C12orf42: variants seen among roughly 807,000 people sequenced by gnomAD.
The protein encoded by C12orf42 is chromosome 12 open reading frame 42.
C12orf42 carries 25 observed loss-of-function variants against 21.6 expected under a neutral mutation model. That is an observed-to-expected ratio of 1.16 (90% CI 0.84 to 1.62). The LOEUF (loss-of-function observed/expected upper bound fraction) is 1.62, where lower values mean the gene tolerates loss of function less well. Among genes scored for constraint, C12orf42 ranks in the 40% most tolerant of loss-of-function variants. The probability of loss-of-function intolerance (pLI) is 0.00; values close to 1 mark genes in which losing one functional copy is unlikely to be tolerated. For synonymous variants in C12orf42, 174 were observed against 175.0 expected (o/e 0.99, Z 0.05); for missense variants, 483 against 459.3 (o/e 1.05, Z -0.47).
At chr12:103,276,672 G>C (rs568993622) in intron 5 of C12orf42, among the ~76,000 whole-genome samples, 13 of 152,322 alleles carry the variant, frequency 8.5e-5, no homozygotes, top group African/African-American at 3.1e-4. Flanking sequence ...CCAAAAAATA[G>C]ATCAATCTTT....
At chr12:103,411,650 T>A (rs983906172) in intron 2 of C12orf42, among the ~76,000 whole-genome samples, 2 of 152,144 alleles carry the variant, frequency 1.3e-5, no homozygotes, top group Non-Finnish European at 2.9e-5. Context: ...TCTTCTGCCA[T>A]GGGAGGAACA....
At chr12:103,258,626 C>T (rs536516321) in intron 10 of C12orf42, among the ~76,000 whole-genome samples, 15 of 151,776 alleles carry the variant, frequency 9.9e-5, no homozygotes, top group African/African-American at 2.2e-4. Flanking sequence ...TTAGAACTAA[C>T]GAAGATCCAA....
At chr12:103,308,279 A>G (rs947678648) in intron 4 of C12orf42, among the ~76,000 whole-genome samples, 12 of 152,226 alleles carry the variant, frequency 7.9e-5, no homozygotes, top group African/African-American at 2.9e-4. Flanking sequence ...AGTGCAACAT[A>G]AAAGTATATA....
chr12:103,286,934 C>T (rs1476286749), intron 4 of C12orf42, among the ~76,000 whole-genome samples: 1 of 119,438 alleles, frequency 8.4e-6, no homozygotes, highest in African/African-American at 4.2e-5. Context: ...AGCGAGACTC[C>T]GTCTCAAAAA....
chr12:103,165,284 C>T, the C12orf42 span, among the ~76,000 whole-genome samples: 9 of 152,164 alleles, frequency 5.9e-5, no homozygotes, highest in Non-Finnish European at 8.8e-5. Flanking sequence ...AGTGGGAAAC[C>T]GGGCAGGCAC....
the C12orf42 span, among the ~76,000 whole-genome samples, chr12:103,162,390 AG>A: frequency 6.6e-6 from 1 of 152,088 alleles, no homozygotes; most frequent in Non-Finnish European, 1.5e-5. Context: ...AATCCCCTGC[AG>A]GGCCCACTTT....
chr12:103,079,319 T>G, the C12orf42 span, among the ~76,000 whole-genome samples: 2 of 151,986 alleles, frequency 1.3e-5, no homozygotes, highest in African/African-American at 4.8e-5. Context: ...CAGGGCTGAG[T>G]TCAATAGTAT....
the C12orf42 span, among the ~76,000 whole-genome samples, chr12:103,520,443 C>T: frequency 7.2e-4 from 109 of 152,188 alleles, 1 homozygote; most frequent in African/African-American, 2.5e-3. Flanking sequence ...AATCCCAGAA[C>T]TTTGAGAGTC....
the C12orf42 span, among the ~76,000 whole-genome samples, chr12:103,135,198 T>C: frequency 6.6e-6 from 1 of 152,198 alleles, no homozygotes; most frequent in African/African-American, 2.4e-5. Context: ...CTCATGCCTG[T>C]AATCCCAGCA....
chr12:103,139,099 T>C, the C12orf42 span, among the ~76,000 whole-genome samples: 1 of 152,210 alleles, frequency 6.6e-6, no homozygotes, highest in African/African-American at 2.4e-5. Flanking sequence ...TATCATACTT[T>C]ACTAACAAAC....
intron 4 of C12orf42, among the ~76,000 whole-genome samples, chr12:103,308,610 G>A (rs1346915751): frequency 6.6e-6 from 1 of 152,188 alleles, no homozygotes; most frequent in Non-Finnish European, 1.5e-5. Context: ...ATCTGATTGG[G>A]TGAGGTGTTA....
the C12orf42 span, among the ~76,000 whole-genome samples, chr12:103,224,961 T>C: frequency 6.6e-6 from 1 of 152,142 alleles, no homozygotes; most frequent in Non-Finnish European, 1.5e-5. Context: ...ACGTACGTTT[T>C]TATGAGAATT....
chr12:103,548,659 AAT>A, the C12orf42 span: 1 of 152,216 alleles, frequency 6.6e-6, no homozygotes, highest in Non-Finnish European at 1.5e-5. Context: ...ATCAACTTTT[AAT>A]ATTTAGATTT....
chr12:103,175,693 C>A, the C12orf42 span, among the ~76,000 whole-genome samples: 3 of 152,174 alleles, frequency 2.0e-5, no homozygotes, highest in Non-Finnish European at 2.9e-5. Context: ...CAAAGCATTG[C>A]ACAACTCTTC....
At chr12:103,437,719 T>C (rs912010483) in intron 2 of C12orf42, among the ~76,000 whole-genome samples, 5 of 149,472 alleles carry the variant, frequency 3.3e-5, no homozygotes, top group African/African-American at 1.2e-4. Flanking sequence ...AAGTTGAATC[T>C]CTGAATAGAC....
At chr12:103,256,189 T>C (rs973669143) in intron 10 of C12orf42, among the ~76,000 whole-genome samples, 1 of 123,408 alleles carries the variant, frequency 8.1e-6, no homozygotes, top group Non-Finnish European at 1.8e-5. Flanking sequence ...TACATATATA[T>C]ACACATATAT....
intron 3 of C12orf42, among the ~76,000 whole-genome samples, chr12:103,371,566 G>A (rs1430116720): frequency 1.3e-5 from 2 of 152,114 alleles, no homozygotes; most frequent in Admixed American, 1.3e-4. Context: ...TAAGTGAAAG[G>A]GAGAGAATTT....
the C12orf42 span, among the ~76,000 whole-genome samples, chr12:103,182,487 A>G: frequency 5.3e-5 from 8 of 152,234 alleles, no homozygotes; most frequent in Non-Finnish European, 2.9e-5. Flanking sequence ...GTGTTTACTC[A>G]GTTCTACCCA....
the C12orf42 span, among the ~76,000 whole-genome samples, chr12:103,554,796 G>A: frequency 6.6e-6 from 1 of 152,128 alleles, no homozygotes; most frequent in Non-Finnish European, 1.5e-5. Context: ...GCACTAGGGG[G>A]ATGCTACTAA....
Sources: allele counts gnomAD v4.1 joint callset (sites outside exome capture counted in the v4.1 genomes callset), GRCh38; gene constraint gnomAD v4.1.1; transcripts MANE v1.5; gene names NCBI Gene and HGNC (gene_info 2026-07-23, HGNC 2026-07-21).